ZNF331: variants seen among roughly 807,000 people sequenced by gnomAD.
The protein encoded by ZNF331 is C2H2-like zinc finger protein rearranged in thyroid adenomas.
A neutral mutation model predicts 7.0 loss-of-function variants in ZNF331; 2 were observed. That is an observed-to-expected ratio of 0.29 (90% CI 0.12 to 0.90). The LOEUF (loss-of-function observed/expected upper bound fraction) is 0.90, where lower values mean the gene tolerates loss of function less well. Among genes scored for constraint, ZNF331 ranks in the 40% least tolerant of loss-of-function variants. The pLI is 0.58. For synonymous variants in ZNF331, 196 were observed against 205.4 expected (o/e 0.95, Z 0.39); for missense variants, 432 against 587.7 (o/e 0.74, Z 2.74).
At chr19:53,524,659 T>C (rs1467973349) in intron 2 of ZNF331, among the ~76,000 whole-genome samples, 2 of 152,220 alleles carry the variant, frequency 1.3e-5, no homozygotes, top group African/African-American at 4.8e-5. Context: ...AGATTCTGGA[T>C]ATTAGCCCTT....
At chr19:53,508,169 C>T in the ZNF331 span, among the ~76,000 whole-genome samples, 1 of 152,196 alleles carries the variant, frequency 6.6e-6, no homozygotes, top group African/African-American at 2.4e-5. Flanking sequence ...GAATCTGTCT[C>T]ATGCAGAGCT....
At chr19:53,570,036 A>G (rs1417577507) in intron 4 of ZNF331, among the ~76,000 whole-genome samples, 4 of 152,136 alleles carry the variant, frequency 2.6e-5, no homozygotes, top group Admixed American at 6.6e-5. Context: ...TGGGTGGATC[A>G]CTTGTGGTCA....
At chr19:53,509,808 A>G in the ZNF331 span, among the ~76,000 whole-genome samples, 1 of 152,202 alleles carries the variant, frequency 6.6e-6, no homozygotes, top group Non-Finnish European at 1.5e-5. Flanking sequence ...CTGAGCGGGT[A>G]ATTTATACAG....
chr19:53,522,178 C>T (rs1224268861), intron 1 of ZNF331: 2 of 152,056 alleles, frequency 1.3e-5, no homozygotes, highest in Non-Finnish European at 2.9e-5. Flanking sequence ...CTCTGAAAAA[C>T]TCACATGCCT....
At chr19:53,576,570 C>A in intron 5 of ZNF331, 127 bp from the exon 6 acceptor site, 1 of 756,638 alleles carries the variant, frequency 1.3e-6, no homozygotes, top group Non-Finnish European at 2.2e-6. Flanking sequence ...TTAACAAGAG[C>A]CCTGGGTGAT....
At chr19:53,533,409 T>C (rs1440259975), upstream of ZNF331, among the ~76,000 whole-genome samples, 2 of 152,196 alleles carry the variant, frequency 1.3e-5, no homozygotes, top group African/African-American at 4.8e-5. Context: ...TGGCCTAATA[T>C]GTTATCTGTC....
chr19:53,534,668 T>C (rs770220500), upstream of ZNF331, among the ~76,000 whole-genome samples: 5 of 152,312 alleles, frequency 3.3e-5, no homozygotes, highest in Non-Finnish European at 7.3e-5. Flanking sequence ...TGTCATCACA[T>C]GTTTCTCTTC....
At chr19:53,526,962 A>C (rs542682771) in intron 2 of ZNF331, among the ~76,000 whole-genome samples, 1 of 151,542 alleles carries the variant, frequency 6.6e-6, no homozygotes, top group South Asian at 2.1e-4. Flanking sequence ...AGGCCAAGGC[A>C]GGCGGATCAC....
At chr19:53,565,022 A>G (rs1267666861) in intron 3 of ZNF331, among the ~76,000 whole-genome samples, 2 of 152,214 alleles carry the variant, frequency 1.3e-5, no homozygotes, top group Admixed American at 1.3e-4. Flanking sequence ...CAGAATGTGG[A>G]ATTTTTAGTC....
chr19:53,567,201 C>T (rs1362715937), intron 3 of ZNF331, among the ~76,000 whole-genome samples: 1 of 152,092 alleles, frequency 6.6e-6, no homozygotes, highest in Non-Finnish European at 1.5e-5. Flanking sequence ...CTCAAAAGTG[C>T]TCTCAGATGT....
At chr19:53,529,122 G>C (rs2087425642) in intron 2 of ZNF331, among the ~76,000 whole-genome samples, 1 of 152,140 alleles carries the variant, frequency 6.6e-6, no homozygotes, top group Admixed American at 6.5e-5. Flanking sequence ...TTCTCTGAAG[G>C]CTGGGCGTGG....
At chr19:53,542,003 A>G (rs1380591980) in intron 2 of ZNF331, among the ~76,000 whole-genome samples, 2 of 136,420 alleles carry the variant, frequency 1.5e-5, no homozygotes, top group East Asian at 3.9e-4. Flanking sequence ...CAGTGTCTCA[A>G]AAAAAAAAAC....
At chr19:53,572,752 C>T (rs558273555) in intron 5 of ZNF331, among the ~76,000 whole-genome samples, 1 of 151,904 alleles carries the variant, frequency 6.6e-6, no homozygotes, top group East Asian at 1.9e-4. Context: ...GCAGATGAGA[C>T]AGGCACAATC....
At chr19:53,519,433 A>G (rs1047331023), upstream of ZNF331, among the ~76,000 whole-genome samples, 1 of 152,226 alleles carries the variant, frequency 6.6e-6, no homozygotes, top group Non-Finnish European at 1.5e-5. Context: ...CAAGGCGAAC[A>G]AAGACCCAAT....
At chr19:53,574,197 C>T (rs1041096519) in intron 5 of ZNF331, among the ~76,000 whole-genome samples, 11 of 152,086 alleles carry the variant, frequency 7.2e-5, no homozygotes, top group Admixed American at 3.9e-4. Flanking sequence ...TCTAGCATTT[C>T]GTTTTTTTAA....
At chr19:53,576,661 C>T in intron 5 of ZNF331, 36 bp from the exon 6 acceptor site, 2 of 1,548,626 alleles carry the variant, frequency 1.3e-6, no homozygotes, top group Non-Finnish European at 1.7e-6. Context: ...TACTTGTGTC[C>T]CTCTAAAGGA....
intron 3 of ZNF331, among the ~76,000 whole-genome samples, chr19:53,566,137 A>T (rs2090142820): frequency 6.6e-6 from 1 of 152,024 alleles, no homozygotes; most frequent in African/African-American, 2.4e-5. Context: ...GTTGCATAGG[A>T]CAGGTTAGCA....
chr19:53,505,961 C>T, the ZNF331 span, among the ~76,000 whole-genome samples: 12 of 151,104 alleles, frequency 7.9e-5, no homozygotes, highest in East Asian at 3.9e-4. Context: ...TCTGGCCTGG[C>T]GACAGAGCAA....
intron 2 of ZNF331, among the ~76,000 whole-genome samples, chr19:53,523,770 A>AT (rs56928806): frequency 0.25 from 36,837 of 149,010 alleles, 4,759 homozygotes; most frequent in African/African-American, 0.33. Flanking sequence ...TAGGGATACT[A>AT]TTTTTTTTTT....
Sources: gnomAD v4.1 joint callset for allele counts (sites outside exome capture counted in the v4.1 genomes callset) on GRCh38, gnomAD v4.1.1 for gene constraint, MANE v1.5 for transcripts, NCBI Gene and HGNC (gene_info 2026-07-23, HGNC 2026-07-21) for gene names.